The following BCKDHB variants were observed in gnomAD, a reference collection of about 807,000 sequenced individuals.
BCKDHB encodes branched chain keto acid dehydrogenase E1 subunit beta.
Under a neutral mutation model 48.5 loss-of-function variants are expected in BCKDHB, and 41 were observed. That is an observed-to-expected ratio of 0.85 (90% confidence interval 0.66 to 1.10). BCKDHB has a LOEUF of 1.10. Among genes scored for constraint, BCKDHB ranks in the 50% least tolerant of loss-of-function variants. BCKDHB has a pLI of 0.00. For synonymous variants in BCKDHB, 201 were observed against 174.8 expected (o/e 1.15, Z -1.18); for missense variants, 496 against 494.2 (o/e 1.00, Z -0.03).
intron 8 of BCKDHB, among the ~76,000 whole-genome samples, chr6:80,268,828 T>C (rs1351850994): frequency 1.3e-5 from 2 of 152,126 alleles, no homozygotes; most frequent in Non-Finnish European, 2.9e-5. Context: ...GTCTGTGCAA[T>C]CATTTTAACA....
chr6:80,223,664 A>G (rs545375551), intron 8 of BCKDHB, among the ~76,000 whole-genome samples: 14 of 152,226 alleles, frequency 9.2e-5, no homozygotes, highest in Admixed American at 3.3e-4. Flanking sequence ...TGGGCAGGAA[A>G]AAAGGAGGCG....
At chr6:80,339,397 A>C (rs927935824) in intron 9 of BCKDHB, among the ~76,000 whole-genome samples, 4 of 152,158 alleles carry the variant, frequency 2.6e-5, no homozygotes, top group Non-Finnish European at 5.9e-5. Flanking sequence ...AAGATACTTC[A>C]TTTTCCAAAA....
intron 8 of BCKDHB, among the ~76,000 whole-genome samples, chr6:80,263,078 G>T (rs1257006967): frequency 6.6e-6 from 1 of 152,076 alleles, no homozygotes; most frequent in Non-Finnish European, 1.5e-5. Flanking sequence ...TGTATTTCTG[G>T]AGAACTATTA....
At chr6:80,161,486 T>A (rs963459300) in intron 3 of BCKDHB, among the ~76,000 whole-genome samples, 1 of 152,176 alleles carries the variant, frequency 6.6e-6, no homozygotes, top group Non-Finnish European at 1.5e-5. Context: ...GCTCCCCTTA[T>A]CTAATTTATC....
intron 8 of BCKDHB, among the ~76,000 whole-genome samples, chr6:80,248,405 A>AT (rs966767779): frequency 6.6e-6 from 1 of 152,088 alleles, no homozygotes; most frequent in African/African-American, 2.4e-5. Flanking sequence ...TTTCTCTAGT[A>AT]TTTTTTGAGC....
intron 6 of BCKDHB, among the ~76,000 whole-genome samples, chr6:80,188,215 C>T (rs1035152861): frequency 1.3e-5 from 2 of 152,064 alleles, no homozygotes; most frequent in African/African-American, 4.8e-5. Flanking sequence ...AAAACATTAT[C>T]CACTATAGCT....
chr6:80,374,272 T>C, the BCKDHB span: 1 of 833,594 alleles, frequency 1.2e-6, no homozygotes, highest in Admixed American at 1.7e-5. Context: ...TCACCATTAC[T>C]GTCTGCATTT....
chr6:80,343,142 G>C (rs1342862797), intron 9 of BCKDHB, among the ~76,000 whole-genome samples: 1 of 152,176 alleles, frequency 6.6e-6, no homozygotes, highest in Non-Finnish European at 1.5e-5. Flanking sequence ...AGTGGCCAGA[G>C]ACCCAGCATT....
At chr6:80,320,276 A>G (rs1768653134) in intron 9 of BCKDHB, among the ~76,000 whole-genome samples, 1 of 152,196 alleles carries the variant, frequency 6.6e-6, no homozygotes, top group Admixed American at 6.5e-5. Flanking sequence ...CACAGACGCA[A>G]CAGGTTTTGA....
chr6:80,436,483 C>T, the BCKDHB span, among the ~76,000 whole-genome samples: 6 of 152,168 alleles, frequency 3.9e-5, no homozygotes, highest in East Asian at 1.2e-3. Flanking sequence ...CATGTTTTTA[C>T]CCTATGGCAT....
intron 9 of BCKDHB, among the ~76,000 whole-genome samples, chr6:80,281,038 G>T (rs1778172975): frequency 6.7e-6 from 1 of 149,120 alleles, no homozygotes; most frequent in African/African-American, 2.5e-5. Context: ...GTGTGTGTGT[G>T]TGTGTGTGTG....
intron 1 of BCKDHB, among the ~76,000 whole-genome samples, chr6:80,114,667 TG>T (rs891432133): frequency 2.6e-5 from 4 of 151,986 alleles, no homozygotes; most frequent in African/African-American, 9.7e-5. Flanking sequence ...GGAACCTGGG[TG>T]GAGGGTAGTG....
intron 8 of BCKDHB, among the ~76,000 whole-genome samples, chr6:80,257,408 AATTC>A (rs1337603199): frequency 7.1e-6 from 1 of 140,360 alleles, no homozygotes; most frequent in Non-Finnish European, 1.5e-5. Context: ...AAAGATATAT[AATTC>A]ATATATATTC....
At chr6:80,159,298 A>C (rs942616413) in intron 3 of BCKDHB, among the ~76,000 whole-genome samples, 11 of 151,462 alleles carry the variant, frequency 7.3e-5, no homozygotes, top group Non-Finnish European at 1.3e-4. Context: ...AAAAAAACCC[A>C]AAAAAACAAC....
chr6:80,162,426 C>A (rs1326347780), intron 3 of BCKDHB, among the ~76,000 whole-genome samples: 1 of 152,168 alleles, frequency 6.6e-6, no homozygotes, highest in South Asian at 2.1e-4. Flanking sequence ...TCTCTTGTCA[C>A]CTTTTCAAAG....
chr6:80,326,376 T>C (rs1001840397), intron 9 of BCKDHB, among the ~76,000 whole-genome samples: 3 of 152,166 alleles, frequency 2.0e-5, no homozygotes, highest in Non-Finnish European at 2.9e-5. Flanking sequence ...TTGAGACCTT[T>C]ATTGTTGACC....
chr6:80,215,059 A>C (rs1188269602), intron 8 of BCKDHB, among the ~76,000 whole-genome samples: 1 of 152,234 alleles, frequency 6.6e-6, no homozygotes, highest in African/African-American at 2.4e-5. Context: ...TCATGCTTAT[A>C]ATAAGCCTCT....
At chr6:80,118,840 T>C (rs1195795056) in intron 1 of BCKDHB, among the ~76,000 whole-genome samples, 1 of 152,232 alleles carries the variant, frequency 6.6e-6, no homozygotes, top group African/African-American at 2.4e-5. Context: ...CTTTGAGTTC[T>C]TCAGGTTGCA....
At chr6:80,408,604 A>C in the BCKDHB span, among the ~76,000 whole-genome samples, 1 of 151,920 alleles carries the variant, frequency 6.6e-6, no homozygotes, top group Non-Finnish European at 1.5e-5. Context: ...TGTGTCCCAG[A>C]ATTTATTCAT....
Sources: allele counts gnomAD v4.1 joint callset (sites outside exome capture counted in the v4.1 genomes callset), GRCh38; gene constraint gnomAD v4.1.1; transcripts MANE v1.5; gene names NCBI Gene and HGNC (gene_info 2026-07-23, HGNC 2026-07-21).